Variants in SLIT3 observed in about 807,000 individuals in gnomAD.
SLIT3 encodes the protein slit homolog 3 protein.
In SLIT3, 68 loss-of-function variants were observed where a neutral mutation model predicts 184.0. The ratio of observed to expected loss-of-function variants is 0.37; its 90% CI spans 0.30 to 0.45. The LOEUF is 0.45. SLIT3 is among the 20% of genes least tolerant of loss of function. SLIT3 has a pLI of 1.00. For synonymous variants in SLIT3, 831 were observed against 828.6 expected (o/e 1.00, Z -0.05); for missense variants, 1,707 against 2,026.0 (o/e 0.84, Z 3.02).
At chr5:169,080,497 A>G (rs1307703626) in intron 4 of SLIT3, among the ~76,000 whole-genome samples, 1 of 152,166 alleles carries the variant, frequency 6.6e-6, no homozygotes, top group Non-Finnish European at 1.5e-5. Context: ...TCCTGTGAGC[A>G]GGGGATTTGA....
Position 169,032,120 on chromosome 5 carries a change from A to G in SLIT3, c.414-148784T>C, listed in dbSNP as rs201758017. On this transcript the variant is annotated intron_variant, in intron 4 of 35. Coordinates refer to ENST00000519560, the MANE Select transcript of SLIT3 (RefSeq NM_003062.4). ...TTTGTGACAAGGGGCTAATAATCCA[A>G]ACTCAGCGGGTTATTAGGATGCCTA... 2.5e-4 allele frequency among the ~76,000 whole-genome samples: 38 copies of G among 152,252 alleles called. 2 individuals carry two copies. In the East Asian group the frequency reaches 4.8e-3, roughly 19 times the overall value.
intron 10 of SLIT3, chr5:168,789,851 T>A: frequency 1.9e-6 from 1 of 522,848 alleles, no homozygotes; most frequent in African/African-American, 1.9e-5. Context: ...TTCTTGGTTT[T>A]CAAAGAATAC....
chr5:169,218,877 C>T (rs746680759), intron 3 of SLIT3, among the ~76,000 whole-genome samples: 1 of 152,200 alleles, frequency 6.6e-6, no homozygotes, highest in Non-Finnish European at 1.5e-5. Flanking sequence ...CAACTGGTAA[C>T]ATTAAGATGA....
At position 168,811,670 on chromosome 5, in the gene SLIT3, C is replaced by T. The variant is rs1561945867; in HGVS notation, c.794-5083G>A. On this transcript the variant is annotated intron_variant, in intron 8 of 35. Transcript: ENST00000519560. ...AAACCTCATCCACAACGAGCTATCA[C>T]CCCATCCCAGTTTGAATGGTTATTA... Among the ~76,000 whole-genome samples the T allele has an allele frequency of 1.3e-5, 2 of 152,168 alleles. 1 individual carries two copies. Among genetic ancestry groups the T allele is most frequent in the South Asian group, 4.1e-4 (2 of 4,836 alleles).
At chr5:168,765,939 A>C (rs1014194) in intron 14 of SLIT3, among the ~76,000 whole-genome samples, 55,989 of 151,728 alleles carry the variant, frequency 0.37, 10,625 homozygotes, top group East Asian at 0.55. Flanking sequence ...GGGTGGGGGT[A>C]GGAGGTGGAA....
chr5:169,251,177 C>T (rs10061676), intron 2 of SLIT3, among the ~76,000 whole-genome samples: 2,867 of 152,326 alleles, frequency 0.019, 94 homozygotes, highest in African/African-American at 0.065. Context: ...GAACTAAGTT[C>T]TTCCATCGAT....
chr5:168,939,198 GT>G (rs890167047), intron 4 of SLIT3, among the ~76,000 whole-genome samples: 3 of 152,230 alleles, frequency 2.0e-5, no homozygotes, highest in African/African-American at 7.2e-5. Flanking sequence ...TAGCTGCGCT[GT>G]GGGTCAGCGC....
intron 32 of SLIT3, among the ~76,000 whole-genome samples, chr5:168,682,717 G>A (rs912011300): frequency 2.0e-5 from 3 of 152,126 alleles, no homozygotes; most frequent in African/African-American, 7.2e-5. Flanking sequence ...GATTTTAATG[G>A]AAGAAAAGAT....
At chr5:168,741,253 G>A (rs549903056) in intron 20 of SLIT3, among the ~76,000 whole-genome samples, 18 of 152,098 alleles carry the variant, frequency 1.2e-4, no homozygotes, top group South Asian at 1.0e-3. Flanking sequence ...GGCGGATCAC[G>A]AGGTCAGGAG....
intron 4 of SLIT3, among the ~76,000 whole-genome samples, chr5:169,178,573 C>A (rs558358358): frequency 6.6e-6 from 1 of 152,160 alleles, no homozygotes; most frequent in African/African-American, 2.4e-5. Context: ...CTGAGATATA[C>A]CGCACCCCAC....
At chr5:169,045,282 G>A (rs1757588796) in intron 4 of SLIT3, among the ~76,000 whole-genome samples, 1 of 152,072 alleles carries the variant, frequency 6.6e-6, no homozygotes, top group Admixed American at 6.5e-5. Context: ...CGTGCAACTT[G>A]GGCACAGCTT....
At chr5:169,214,924 G>A (rs1764387589) in intron 3 of SLIT3, among the ~76,000 whole-genome samples, 2 of 152,078 alleles carry the variant, frequency 1.3e-5, no homozygotes, top group African/African-American at 4.8e-5. Flanking sequence ...TCTCCTAACT[G>A]TATGGCCGTT....
At chr5:169,178,893 TAAAG>T (rs1763063373) in intron 4 of SLIT3, among the ~76,000 whole-genome samples, 1 of 152,184 alleles carries the variant, frequency 6.6e-6, no homozygotes, top group Admixed American at 6.5e-5. Flanking sequence ...CTTGAGCAAA[TAAAG>T]AGAGTCTCAA....
intron 4 of SLIT3, among the ~76,000 whole-genome samples, chr5:169,038,855 C>T (rs892555377): frequency 6.6e-6 from 1 of 152,128 alleles, no homozygotes; most frequent in South Asian, 2.1e-4. Context: ...CCTACCTCCA[C>T]CTCCAAGCAA....
chr5:169,276,696 C>T (rs561581983), intron 1 of SLIT3, among the ~76,000 whole-genome samples: 18 of 152,288 alleles, frequency 1.2e-4, no homozygotes, highest in Admixed American at 5.2e-4. Context: ...CACTCAACAG[C>T]CTCAGTGCCA....
rs527633469 is a variant in SLIT3 at position 169,283,666 on chromosome 5, T to A, written c.197+16847A>T. ...AGGGGACTGAGGGACTTATGACAAT[T>A]TCACAGCCACATGATGATCCCAAAG... On this transcript the variant is annotated intron_variant, in intron 1 of 35. Coordinates refer to ENST00000519560, the MANE Select transcript of SLIT3 (RefSeq NM_003062.4). Among the ~76,000 whole-genome samples, 17 of 152,300 alleles carry A rather than the reference T, an allele frequency of 1.1e-4. No individual in the cohort carries two copies. In the South Asian group the frequency reaches 3.5e-3, roughly 32 times the overall value.
At chr5:169,002,322 C>CAA (rs397999882) in intron 4 of SLIT3, among the ~76,000 whole-genome samples, 1,304 of 24,190 alleles carry the variant, frequency 0.054, 321 homozygotes, top group Middle Eastern at 0.11. Flanking sequence ...GACTCTGTCT[C>CAA]AAAAAAAAAA....
intron 4 of SLIT3, among the ~76,000 whole-genome samples, chr5:168,952,483 C>T (rs1223358944): frequency 6.9e-6 from 1 of 144,658 alleles, no homozygotes; most frequent in East Asian, 2.0e-4. Context: ...CCTCAGAAGT[C>T]CCCTCCAACA....
At chr5:169,003,481 A>G (rs1309101827) in intron 4 of SLIT3, among the ~76,000 whole-genome samples, 1 of 152,248 alleles carries the variant, frequency 6.6e-6, no homozygotes, top group Non-Finnish European at 1.5e-5. Context: ...CTCCTACCAG[A>G]AAATTGACAC....
Sources: allele counts gnomAD v4.1 joint callset (sites outside exome capture counted in the v4.1 genomes callset), GRCh38; gene constraint gnomAD v4.1.1; transcripts MANE v1.5; gene names NCBI Gene and HGNC (gene_info 2026-07-23, HGNC 2026-07-21).